ST6GALNAC3: variants seen among roughly 807,000 people sequenced by gnomAD.
ST6GALNAC3 encodes alpha-N-acetylgalactosaminide alpha-2,6-sialyltransferase 3.
A neutral mutation model predicts 32.7 loss-of-function variants in ST6GALNAC3; 25 were observed. The ratio of observed to expected loss-of-function variants is 0.76; its 90% CI spans 0.56 to 1.07. The LOEUF is 1.07. Among genes scored for constraint, ST6GALNAC3 ranks in the 50% least tolerant of loss-of-function variants. The pLI is 0.00. For synonymous variants in ST6GALNAC3, 129 were observed against 133.1 expected (o/e 0.97, Z 0.21); for missense variants, 355 against 382.4 (o/e 0.93, Z 0.60).
At chr1:76,197,894 C>T (rs773023198) in intron 1 of ST6GALNAC3, among the ~76,000 whole-genome samples, 8 of 152,182 alleles carry the variant, frequency 5.3e-5, no homozygotes, top group Non-Finnish European at 1.0e-4. Flanking sequence ...CCAAGAGTGA[C>T]TCCCATCCCT....
At chr1:76,587,662 A>G (rs1411825402) in intron 3 of ST6GALNAC3, among the ~76,000 whole-genome samples, 6 of 152,206 alleles carry the variant, frequency 3.9e-5, no homozygotes, top group Non-Finnish European at 8.8e-5. Context: ...ATTAAATATG[A>G]TAATCCAGGA....
rs1391257425 is a variant in ST6GALNAC3 at position 76,509,959 on chromosome 1, A to G, written c.623+97542A>G. On this transcript the variant is annotated intron_variant, in intron 3 of 4. Coordinates refer to ENST00000328299, the MANE Select transcript of ST6GALNAC3 (RefSeq NM_152996.4). This position sits in a 1 kb window ranked among gnomAD's most constrained non-coding sequence, Gnocchi z 5.5. ...AGGTTTCAAGTATTAGAGTGGGGAT[A>G]TCTTTAGGGAGCTATTATTCTATCT... is the stretch of plus-strand genomic sequence containing the variant. Among the ~76,000 whole-genome samples the G allele has an allele frequency of 1.3e-5, 2 of 152,156 alleles. No homozygotes were observed. Among genetic ancestry groups the G allele is most frequent in the African/African-American group, 2.4e-5 (1 of 41,426 alleles).
At chr1:76,376,108 T>TC (rs1415453803) in intron 2 of ST6GALNAC3, among the ~76,000 whole-genome samples, 1 of 95,984 alleles carries the variant, frequency 1.0e-5, no homozygotes, top group East Asian at 2.3e-4. Flanking sequence ...TAAACCTTTT[T>TC]TTTTTTAAAA....
chr1:76,594,349 C>T (rs1270179742), intron 3 of ST6GALNAC3, among the ~76,000 whole-genome samples: 2 of 152,136 alleles, frequency 1.3e-5, no homozygotes, highest in African/African-American at 2.4e-5. Flanking sequence ...TACACCTCAT[C>T]TACCCAACTC....
intron 3 of ST6GALNAC3, among the ~76,000 whole-genome samples, chr1:76,522,643 T>C (rs933607844): frequency 6.6e-6 from 1 of 152,212 alleles, no homozygotes. Flanking sequence ...ATAGATTCTA[T>C]GGTGGCTTTA....
intron 1 of ST6GALNAC3, among the ~76,000 whole-genome samples, chr1:76,100,778 T>A (rs919338069): frequency 6.6e-6 from 1 of 151,536 alleles, no homozygotes; most frequent in Non-Finnish European, 1.5e-5. Context: ...GGTAGAATTA[T>A]CTGGGGAAGT....
chr1:76,407,751 G>C (rs899776610), intron 2 of ST6GALNAC3, among the ~76,000 whole-genome samples: 1 of 151,818 alleles, frequency 6.6e-6, no homozygotes, highest in African/African-American at 2.4e-5. Flanking sequence ...GATGTGGCTT[G>C]ATAAAGTGGA....
intron 1 of ST6GALNAC3, among the ~76,000 whole-genome samples, chr1:76,205,935 C>T (rs573676999): frequency 2.6e-5 from 4 of 152,352 alleles, no homozygotes; most frequent in African/African-American, 9.6e-5. Flanking sequence ...TTACCACAGC[C>T]AGCACTGTTA....
intron 2 of ST6GALNAC3, among the ~76,000 whole-genome samples, chr1:76,376,552 C>A (rs1356877309): frequency 6.6e-6 from 1 of 152,152 alleles, no homozygotes; most frequent in Admixed American, 6.6e-5. Context: ...TAAATGGAAT[C>A]ATGTAGTATG....
At chr1:76,545,619 T>C (rs984494772) in intron 3 of ST6GALNAC3, among the ~76,000 whole-genome samples, 6 of 152,038 alleles carry the variant, frequency 3.9e-5, no homozygotes, top group African/African-American at 1.2e-4. Context: ...TATGTAAACA[T>C]TAACTGCAAC....
intron 1 of ST6GALNAC3, among the ~76,000 whole-genome samples, chr1:76,139,199 A>AG (rs1454040934): frequency 7.2e-6 from 1 of 139,450 alleles, no homozygotes; most frequent in Non-Finnish European, 1.5e-5. Flanking sequence ...GTCTCAATGG[A>AG]AAAAAAAAAA....
rs374347052 is a variant in ST6GALNAC3, at chr1:76,100,753, T to C, written c.18+25869T>C. Among the ~76,000 whole-genome samples, 54 of 152,258 alleles carry C rather than the reference T, an allele frequency of 3.5e-4. 2 individuals carry two copies. The highest frequency in any genetic ancestry group is 1.1e-3 in the African/African-American group (47 of 41,564). On this transcript the variant is annotated intron_variant, in intron 1 of 4. Coordinates refer to ENST00000328299, the MANE Select transcript of ST6GALNAC3 (RefSeq NM_152996.4). The stretch of plus-strand genomic sequence containing the variant: ...TATTTGAGTATGATCAGTATTGTTT[T>C]TTCTTTAAAGTTCTGGTAGAATTAT...
chr1:76,427,612 A>G (rs1189872272), intron 3 of ST6GALNAC3, among the ~76,000 whole-genome samples: 1 of 152,110 alleles, frequency 6.6e-6, no homozygotes, highest in Non-Finnish European at 1.5e-5. Context: ...ACTGGTCCAT[A>G]TTAAAATTAG....
intron 3 of ST6GALNAC3, among the ~76,000 whole-genome samples, chr1:76,494,301 G>A (rs1016066487): frequency 1.1e-4 from 16 of 150,950 alleles, no homozygotes; most frequent in African/African-American, 2.7e-4. Context: ...TTGGAGGAAC[G>A]TTTGATTTTA....
chr1:76,095,197 C>A (rs142090425), intron 1 of ST6GALNAC3, among the ~76,000 whole-genome samples: 231 of 152,130 alleles, frequency 1.5e-3, no homozygotes, highest in African/African-American at 5.0e-3. Flanking sequence ...GCATAGTAAT[C>A]ATATCTGCTG....
chr1:76,311,380 G>A (rs6681765), intron 1 of ST6GALNAC3, among the ~76,000 whole-genome samples: 63,668 of 151,608 alleles, frequency 0.42, 13,615 homozygotes, highest in Non-Finnish European at 0.44. Flanking sequence ...TGCTACACCC[G>A]TCAACTAGTC....
chr1:76,187,253 T>C (rs957434940), intron 1 of ST6GALNAC3, among the ~76,000 whole-genome samples: 3 of 152,220 alleles, frequency 2.0e-5, no homozygotes, highest in Admixed American at 1.3e-4. Flanking sequence ...ACAGCTTCTT[T>C]AGCCAAAATA....
chr1:76,307,941 G>A, intron 1 of ST6GALNAC3: 1 of 511,342 alleles, frequency 2.0e-6, no homozygotes, highest in Non-Finnish European at 3.9e-6. Context: ...TAAAGAGCAA[G>A]CAGCTAGAAT....
intron 1 of ST6GALNAC3, among the ~76,000 whole-genome samples, chr1:76,254,039 G>T (rs1160614384): frequency 6.6e-6 from 1 of 152,140 alleles, no homozygotes; most frequent in African/African-American, 2.4e-5. Context: ...TATGCATTTG[G>T]ATTTTCATTC....
Sources: gnomAD v4.1 joint callset for allele counts (sites outside exome capture counted in the v4.1 genomes callset) on GRCh38, gnomAD v4.1.1 for gene constraint, Gnocchi (gnomAD v3.1) non-coding constraint, MANE v1.5 for transcripts, NCBI Gene and HGNC (gene_info 2026-07-23, HGNC 2026-07-21) for gene names.